Variants in LRRFIP1 observed in about 807,000 individuals in gnomAD.
The protein encoded by LRRFIP1 is LRR binding FLII interacting protein 1.
In LRRFIP1, 62 loss-of-function variants were observed where a neutral mutation model predicts 104.4. The observed-to-expected ratio is 0.59, with a 90% CI of 0.48 to 0.73. The LOEUF (loss-of-function observed/expected upper bound fraction) is 0.73, where lower values mean the gene tolerates loss of function less well. LRRFIP1 is among the 30% of genes least tolerant of loss of function. The pLI, the probability that LRRFIP1 is intolerant of heterozygous loss-of-function variation, is 0.00. For missense variants in LRRFIP1, 796 were observed against 824.5 expected (o/e 0.97, Z 0.42); for synonymous variants, 300 against 299.0 (o/e 1.00, Z -0.03).
chr2:237,772,630 C>T, intron 21 of LRRFIP1: 1 of 577,436 alleles, frequency 1.7e-6, no homozygotes, highest in Non-Finnish European at 3.1e-6. Flanking sequence ...CACTCATAGG[C>T]ACTCTCTTGC....
At chr2:237,657,156 G>T (rs146298016) in intron 1 of LRRFIP1, among the ~76,000 whole-genome samples, 1 of 152,150 alleles carries the variant, frequency 6.6e-6, no homozygotes, top group African/African-American at 2.4e-5. Context: ...ACAGAAACAG[G>T]TCAAGTGTGA....
chr2:237,683,472 A>G (rs1009653466), intron 1 of LRRFIP1: 1 of 152,216 alleles, frequency 6.6e-6, no homozygotes, highest in Non-Finnish European at 1.5e-5. Flanking sequence ...CCTGAAGTTC[A>G]TCTAAGATCT....
chr2:237,709,033 C>T (rs1267553620), intron 2 of LRRFIP1, among the ~76,000 whole-genome samples: 1 of 152,092 alleles, frequency 6.6e-6, no homozygotes. Flanking sequence ...AAAATATGTC[C>T]CCCGTGGTTT....
Position 237,763,694 on chromosome 2 carries a change from G to A in LRRFIP1, c.1459+3489G>A, listed in dbSNP as rs756086856. ...GGATGGAAAACTTGACCAAGAAGGT[G>A]ATGATGTACAAACAGCAGCTGAGGA... On this transcript the variant is annotated intron_variant, in intron 19 of 23. Coordinates refer to ENST00000308482, the MANE Select transcript of LRRFIP1 (RefSeq NM_001137550.2). The A allele has an allele frequency of 1.2e-5, 19 of 1,614,246 alleles. No homozygotes were observed. Among genetic ancestry groups the A allele is most frequent in the Non-Finnish European group, 1.6e-5 (19 of 1,180,046 alleles).
chr2:237,761,368 A>G (rs755657256), intron 19 of LRRFIP1, among the ~76,000 whole-genome samples: 1 of 152,242 alleles, frequency 6.6e-6, no homozygotes, highest in Non-Finnish European at 1.5e-5. Context: ...CTAGATAGGT[A>G]TGTAGTATCT....
intron 1 of LRRFIP1, chr2:237,692,176 C>G (rs1173805474): frequency 9.8e-7 from 1 of 1,024,348 alleles, no homozygotes; most frequent in African/African-American, 1.7e-5. Context: ...GTGGGACGGG[C>G]GGAGGCGCCC....
In LRRFIP1 at chr2:237,717,734, C is replaced by G. The variant is rs758824785; in HGVS notation, c.202-28C>G. ...CCTTTTTAAGAAATTTCACTTCTTG[C>G]CTAATTTTCTTTCCCTTCTGTCTAT... On this transcript the variant is annotated intron_variant, in intron 3 of 23. Coordinates refer to ENST00000308482, the MANE Select transcript of LRRFIP1 (RefSeq NM_001137550.2). The surrounding 1 kb of genome is among the most constrained non-coding windows in gnomAD (Gnocchi z 4.2). 2 of 1,573,124 alleles carry G rather than the reference C, an allele frequency of 1.3e-6. No homozygotes were observed. The highest frequency in any genetic ancestry group is 3.3e-5 in the Admixed American group (2 of 59,970).
At chr2:237,633,513 A>ATG (rs754647856) in intron 1 of LRRFIP1, among the ~76,000 whole-genome samples, 2 of 145,658 alleles carry the variant, frequency 1.4e-5, no homozygotes, top group East Asian at 3.9e-4. Flanking sequence ...CAGGGTTGGG[A>ATG]TGTGTGTGTG....
At chr2:237,721,883 TCTC>T (rs2094547589) in intron 6 of LRRFIP1, 2 of 152,210 alleles carry the variant, frequency 1.3e-5, no homozygotes, top group Non-Finnish European at 2.9e-5. Context: ...TTTGAAACCT[TCTC>T]CTGAGATGTA....
intron 1 of LRRFIP1, chr2:237,692,120 G>A (rs1460925013): frequency 1.3e-5 from 12 of 906,448 alleles, no homozygotes; most frequent in African/African-American, 2.0e-5. Context: ...GGGCGTAGCC[G>A]GGAGGGCCCC....
chr2:237,651,590 G>A (rs1420364089), intron 1 of LRRFIP1, among the ~76,000 whole-genome samples: 1 of 152,102 alleles, frequency 6.6e-6, no homozygotes, highest in African/African-American at 2.4e-5. Flanking sequence ...CAGTCTGGCT[G>A]CTTGCTTCCC....
chr2:237,742,087 A>G (rs562126166), intron 11 of LRRFIP1, among the ~76,000 whole-genome samples: 13 of 152,344 alleles, frequency 8.5e-5, no homozygotes, highest in South Asian at 2.1e-4. Context: ...TTGTCATACG[A>G]AATTGACCGA....
At chr2:237,631,840 C>T (rs867289213) in intron 1 of LRRFIP1, among the ~76,000 whole-genome samples, 5 of 152,230 alleles carry the variant, frequency 3.3e-5, no homozygotes, top group Non-Finnish European at 5.9e-5. Context: ...TGAGACAGTG[C>T]GGTGAGCTTA....
chr2:237,690,511 C>A (rs2092684850), intron 1 of LRRFIP1, among the ~76,000 whole-genome samples: 1 of 152,054 alleles, frequency 6.6e-6, no homozygotes, highest in Non-Finnish European at 1.5e-5. Context: ...CCAAGGCAGG[C>A]AGATCATTTG....
intron 1 of LRRFIP1, among the ~76,000 whole-genome samples, chr2:237,680,902 G>T (rs2149635430): frequency 6.6e-6 from 1 of 152,294 alleles, no homozygotes; most frequent in South Asian, 2.1e-4. Context: ...GATCACTTGA[G>T]CCCAAGAGGT....
intron 19 of LRRFIP1, among the ~76,000 whole-genome samples, chr2:237,761,474 C>T (rs147297044): frequency 2.6e-4 from 40 of 152,354 alleles, no homozygotes; most frequent in African/African-American, 8.7e-4. Context: ...GCTGCTCTTA[C>T]TCAAATACAC....
At position 237,735,967 on chromosome 2, in the gene LRRFIP1, C is replaced by T. The variant is rs372234530; in HGVS notation, c.555+634C>T. ...TTCAGTGCTAACCGGTGCTCCCTGG[C>T]GGTGGATCTCCTGTATTCAGAGGCT... On this transcript the variant is annotated intron_variant, in intron 10 of 23. Coordinates refer to ENST00000308482, the MANE Select transcript of LRRFIP1 (RefSeq NM_001137550.2). The surrounding 1 kb of genome is among the most constrained non-coding windows in gnomAD (Gnocchi z 4.6). Among the ~76,000 whole-genome samples, 2 of 152,170 alleles carry T rather than the reference C, an allele frequency of 1.3e-5. No homozygotes were observed. Among genetic ancestry groups the T allele is most frequent in the Non-Finnish European group, 2.9e-5 (2 of 68,024 alleles).
At chr2:237,747,956 G>T (rs1227141136) in intron 11 of LRRFIP1, among the ~76,000 whole-genome samples, 2 of 152,182 alleles carry the variant, frequency 1.3e-5, no homozygotes, top group Admixed American at 6.5e-5. Context: ...AAAGAAACCT[G>T]TCTTTTGTTG....
chr2:237,687,077 C>T lies in LRRFIP1; in HGVS notation c.97-21467C>T, dbSNP rs74001251. ...GGCTGGGAGGAAGGAAGCAGCTCTG[C>T]GTCAGGCGGCGTGCCGCTGGTGCAT... On this transcript the variant is annotated intron_variant, in intron 1 of 23. Transcript: ENST00000308482. Among the ~76,000 whole-genome samples, 1,436 of 152,330 alleles carry T rather than the reference C, an allele frequency of 9.4e-3. 27 individuals are homozygous for T. The highest frequency in any genetic ancestry group is 0.032 in the African/African-American group (1,329 of 41,574).
Sources: allele counts gnomAD v4.1 joint callset (sites outside exome capture counted in the v4.1 genomes callset), GRCh38; gene constraint gnomAD v4.1.1; non-coding constraint Gnocchi (gnomAD v3.1); transcripts MANE v1.5; gene names NCBI Gene and HGNC (gene_info 2026-07-23, HGNC 2026-07-21).